Variants in BCAT1 observed in about 807,000 individuals in gnomAD.
The protein encoded by BCAT1 is branched chain amino acid transaminase 1.
Under a neutral mutation model 52.4 loss-of-function variants are expected in BCAT1, and 48 were observed. The observed-to-expected ratio is 0.92, with a 90% CI of 0.73 to 1.16. The LOEUF (loss-of-function observed/expected upper bound fraction) is 1.16. Ranked by LOEUF, BCAT1 falls within the 50% of genes most tolerant of loss-of-function variation. BCAT1 has a pLI of 0.00. For missense variants in BCAT1, 451 were observed against 457.1 expected, an observed-to-expected ratio of 0.99 and a Z score of 0.12; for synonymous variants, 167 against 161.3, an observed-to-expected ratio of 1.04 and a Z score of -0.27.
chr12:24,903,090 C>T (rs778684450), intron 1 of BCAT1: 9 of 1,369,092 alleles, frequency 6.6e-6, no homozygotes, highest in Admixed American at 3.7e-5. Context: ...GCGCACGGCC[C>T]ATAGGGCGCT....
chr12:24,936,456 C>T (rs1943754663), intron 1 of BCAT1, among the ~76,000 whole-genome samples: 2 of 152,190 alleles, frequency 1.3e-5, no homozygotes, highest in South Asian at 2.1e-4. Context: ...TAGTCTCAAA[C>T]TCCTGACCTC....
intron 1 of BCAT1, among the ~76,000 whole-genome samples, chr12:24,937,868 G>A (rs1034911701): frequency 6.6e-6 from 1 of 152,186 alleles, no homozygotes; most frequent in Admixed American, 6.5e-5. Flanking sequence ...TGTAAGATAG[G>A]TCTTGGACCA....
intron 5 of BCAT1, among the ~76,000 whole-genome samples, chr12:24,854,153 T>G (rs1591809550): frequency 2.0e-5 from 3 of 152,342 alleles, no homozygotes; most frequent in South Asian, 4.1e-4. Context: ...TTTCCTCTGA[T>G]CAGTCAGAAA....
intron 8 of BCAT1, chr12:24,833,983 A>G (rs774789358): frequency 2.3e-5 from 5 of 218,220 alleles, no homozygotes; most frequent in Non-Finnish European, 3.1e-5. Context: ...GCCATGCCCA[A>G]CTAGGTTTTA....
At chr12:24,910,529 C>A (rs1246190094) in intron 1 of BCAT1, among the ~76,000 whole-genome samples, 1 of 151,966 alleles carries the variant, frequency 6.6e-6, no homozygotes, top group East Asian at 1.9e-4. Flanking sequence ...TATTTAAAAA[C>A]CTAATAATAA....
chr12:24,887,080 A>AAAAAAAAAAAAAAAAAATAT (rs1245203518), intron 3 of BCAT1, among the ~76,000 whole-genome samples: 1 of 40,748 alleles, frequency 2.5e-5, no homozygotes, highest in African/African-American at 7.7e-5. Flanking sequence ...AAAAAAAAAA[A>AAAAAAAAAAAAAAAAAATAT]ATATATATAT....
chr12:24,935,103 T>C (rs1943733400), intron 1 of BCAT1, among the ~76,000 whole-genome samples: 1 of 152,196 alleles, frequency 6.6e-6, no homozygotes, highest in Non-Finnish European at 1.5e-5. Context: ...GTGAAATGGA[T>C]GTGGTAGTGA....
rs1245203518 is a variant in BCAT1, at chr12:24,887,080, A to AAAAAAAAT, written c.280-5670_280-5669insATTTTTTT. 9.3e-4 allele frequency among the ~76,000 whole-genome samples: 38 copies of AAAAAAAAT among 40,746 alleles called. 1 individual carries two copies. The highest frequency in any genetic ancestry group is 1.6e-3 in the Non-Finnish European group (31 of 19,064). 26.7% of individuals were successfully genotyped at this position (40,746 alleles called of 152,430 possible). A position where few individuals can be genotyped will look rare whatever the true frequency, so the allele number is the denominator to read the frequency against. ...GCTAGCTAAAAAAAAAAAAAAAAAA[A>AAAAAAAAT]ATATATATATATATATATATATATA... On this transcript the variant is annotated intron_variant, in intron 3 of 10. Transcript: ENST00000261192.
chr12:24,860,400 T>G (rs1397033037), intron 5 of BCAT1, among the ~76,000 whole-genome samples: 1 of 152,240 alleles, frequency 6.6e-6, no homozygotes, highest in Non-Finnish European at 1.5e-5. Context: ...GAAACCTTTT[T>G]TTTTGAGCTA....
chr12:24,902,048 A>C, intron 1 of BCAT1, 163 bp from the exon 2 acceptor site: 2 of 1,543,626 alleles, frequency 1.3e-6, no homozygotes, highest in Non-Finnish European at 1.7e-6. Flanking sequence ...CGAACCTCCA[A>C]CAAGCGTGTC....
At chr12:24,818,127 G>A (rs920581080) in intron 10 of BCAT1, 78 bp from the exon 11 acceptor site, 20 of 1,421,798 alleles carry the variant, frequency 1.4e-5, no homozygotes, top group South Asian at 7.0e-5. Context: ...ACTTAATACC[G>A]CCAAGGTTAC....
At position 24,811,757 on chromosome 12, in the gene BCAT1, C is replaced by T. The variant is rs914458528; in HGVS notation, c.*6251G>A. On this transcript the variant is annotated 3_prime_UTR_variant, in exon 11 of 11. Coordinates refer to ENST00000261192, the MANE Select transcript of BCAT1 (RefSeq NM_005504.7). ...AAGAATTTCAAGAATCACTACACAG[C>T]TAAGATATCTGAGACTTGCAATGGC... 6 of 152,106 alleles carry T rather than the reference C, an allele frequency of 3.9e-5. No individual in the cohort carries two copies. Among genetic ancestry groups the T allele is most frequent in the Non-Finnish European group, 8.8e-5 (6 of 67,978 alleles). The allele number at this position is 152,106 out of a possible 1,614,324, so 9.4% of individuals were successfully genotyped here. A position where few individuals can be genotyped will look rare whatever the true frequency, so the allele number is the denominator to read the frequency against.
At chr12:24,876,571 G>C (rs1393680244) in intron 5 of BCAT1, among the ~76,000 whole-genome samples, 2 of 152,022 alleles carry the variant, frequency 1.3e-5, no homozygotes, top group African/African-American at 4.8e-5. Context: ...CAACAAACCA[G>C]GAATAGGAGT....
intron 3 of BCAT1, among the ~76,000 whole-genome samples, chr12:24,893,682 A>G (rs964321461): frequency 6.6e-6 from 1 of 152,212 alleles, no homozygotes; most frequent in Non-Finnish European, 1.5e-5. Context: ...AAAGATGTCC[A>G]AATCATTCAA....
At chr12:24,886,064 AC>A (rs1210333834) in intron 3 of BCAT1, among the ~76,000 whole-genome samples, 3 of 152,240 alleles carry the variant, frequency 2.0e-5, no homozygotes, top group Non-Finnish European at 4.4e-5. Context: ...AAAAAAGTGA[AC>A]AAAAAACTTG....
At chr12:24,940,548 T>G (rs1273533470) in intron 1 of BCAT1, among the ~76,000 whole-genome samples, 2 of 152,220 alleles carry the variant, frequency 1.3e-5, no homozygotes, top group African/African-American at 4.8e-5. Context: ...TAAAAGCCAG[T>G]TTAGTTAATA....
intron 10 of BCAT1, among the ~76,000 whole-genome samples, chr12:24,825,302 C>T (rs996932435): frequency 6.6e-6 from 1 of 151,956 alleles, no homozygotes; most frequent in East Asian, 1.9e-4. Context: ...TGGATATATA[C>T]CCGGTGGTAG....
chr12:24,902,821 G>A (rs773024239), intron 1 of BCAT1: 83 of 1,332,244 alleles, frequency 6.2e-5, no homozygotes, highest in Middle Eastern at 3.7e-4. Flanking sequence ...GCTGGAGGCG[G>A]AATGGAGGGC....
intron 2 of BCAT1, 87 bp downstream of exon 2, chr12:24,901,727 A>G: frequency 7.3e-7 from 1 of 1,371,498 alleles, no homozygotes; most frequent in Non-Finnish European, 1.0e-6. Context: ...TAACCCACAC[A>G]GTGAAAATTT....
Sources: gnomAD v4.1 joint callset for allele counts (sites outside exome capture counted in the v4.1 genomes callset) on GRCh38, gnomAD v4.1.1 for gene constraint, MANE v1.5 for transcripts, NCBI Gene and HGNC (gene_info 2026-07-23, HGNC 2026-07-21) for gene names.